ITGA9: variants seen among roughly 807,000 people sequenced by gnomAD.
The protein encoded by ITGA9 is integrin subunit alpha 9.
In ITGA9, 56 loss-of-function variants were observed where a neutral mutation model predicts 127.8. That is an observed-to-expected ratio of 0.44 (90% CI 0.35 to 0.55). The LOEUF (loss-of-function observed/expected upper bound fraction) is 0.55, where lower values mean the gene tolerates loss of function less well. ITGA9 is among the 20% of genes least tolerant of loss of function. The pLI, the probability that ITGA9 is intolerant of heterozygous loss-of-function variation, is 0.00. For synonymous variants in ITGA9, 508 were observed against 514.5 expected (o/e 0.99, Z 0.17); for missense variants, 1,196 against 1,347.1 (o/e 0.89, Z 1.76).
chr3:37,519,244 GT>G lies in ITGA9; in HGVS notation c.1142-9del. 4.4e-6 allele frequency: 7 copies of G among 1,608,306 alleles called. No individual in the cohort carries two copies. The highest frequency in any genetic ancestry group is 6.0e-6 in the Non-Finnish European group (7 of 1,175,036). ...TAATGTGGCTTTTTAACCCATAGCT[GT>G]TTTTTTACCCTCAGATGTGGCCATT... On this transcript the variant is annotated splice_polypyrimidine_tract_variant and intron_variant, in intron 10 of 27. Coordinates refer to ENST00000264741, the MANE Select transcript of ITGA9 (RefSeq NM_002207.3).
At chr3:37,798,363 A>G (rs1697198937) in intron 26 of ITGA9, among the ~76,000 whole-genome samples, 1 of 152,232 alleles carries the variant, frequency 6.6e-6, no homozygotes, top group Non-Finnish European at 1.5e-5. Flanking sequence ...AAATTTGGAA[A>G]TCAGGCAAAA....
At chr3:37,483,567 G>A (rs991272287) in intron 4 of ITGA9, among the ~76,000 whole-genome samples, 3 of 152,234 alleles carry the variant, frequency 2.0e-5, no homozygotes, top group African/African-American at 7.2e-5. Context: ...GCGAGTGGGT[G>A]CAGTCTCTGG....
intron 14 of ITGA9, among the ~76,000 whole-genome samples, chr3:37,537,033 G>T (rs1699214727): frequency 6.6e-6 from 1 of 152,188 alleles, no homozygotes; most frequent in South Asian, 2.1e-4. Context: ...GTTTTTACAA[G>T]CCTCCAGATG....
At chr3:37,455,261 T>C (rs1469807915) in intron 1 of ITGA9, among the ~76,000 whole-genome samples, 1 of 152,194 alleles carries the variant, frequency 6.6e-6, no homozygotes, top group Non-Finnish European at 1.5e-5. Context: ...TTATTCGTGA[T>C]TGCAAACAGC....
chr3:37,600,284 A>G lies in ITGA9; in HGVS notation c.1690-28903A>G, dbSNP rs1470980190. 1.5e-4 allele frequency among the ~76,000 whole-genome samples: 23 copies of G among 152,186 alleles called. 1 individual carries two copies. The highest frequency in any genetic ancestry group is 1.2e-3 in the Admixed American group (19 of 15,280). On this transcript the variant is annotated intron_variant, in intron 15 of 27. Transcript: ENST00000264741. ...TATTTCTCCCATATTCAAGGACTTC[A>G]GTTTCATTACCTGTCCAGAAAACTA...
At position 37,629,358 on chromosome 3, in the gene ITGA9, C is replaced by T. The variant is rs1237786724; in HGVS notation, c.1839+22C>T. On this transcript the variant is annotated intron_variant, in intron 16 of 27. Transcript: ENST00000264741. The surrounding 1 kb of genome is among the most constrained non-coding windows in gnomAD (Gnocchi z 4.5). Reference sequence around the variant, plus strand: ...TCAGGTCAGAACCTTAAAGCTCATACTCAGCACCCAAGGTGGCAGCTGCAC... The same window carrying T: ...TCAGGTCAGAACCTTAAAGCTCATATTCAGCACCCAAGGTGGCAGCTGCAC... The T allele has an allele frequency of 2.5e-6, 4 of 1,613,330 alleles. No individual in the cohort carries two copies. The highest frequency in any genetic ancestry group is 4.5e-5 in the East Asian group (2 of 44,864).
intron 1 of ITGA9, among the ~76,000 whole-genome samples, chr3:37,458,588 A>G (rs1283242778): frequency 1.3e-5 from 2 of 152,344 alleles, no homozygotes; most frequent in East Asian, 3.9e-4. Context: ...GTCAGCTGAC[A>G]TTCCGCCTTG....
chr3:37,704,692 T>G (rs373345610), intron 18 of ITGA9, among the ~76,000 whole-genome samples: 4 of 152,326 alleles, frequency 2.6e-5, no homozygotes, highest in African/African-American at 9.6e-5. Context: ...TGCTGGATGC[T>G]GGTGGCTTTG....
intron 18 of ITGA9, among the ~76,000 whole-genome samples, chr3:37,686,966 C>T (rs926371966): frequency 2.0e-5 from 3 of 152,168 alleles, no homozygotes; most frequent in African/African-American, 7.2e-5. Context: ...GCTTAACAAC[C>T]CACAGGCCTA....
chr3:37,596,810 A>T (rs1460953041), intron 15 of ITGA9, among the ~76,000 whole-genome samples: 2 of 152,224 alleles, frequency 1.3e-5, no homozygotes, highest in East Asian at 3.9e-4. Context: ...AGTGTGCCTG[A>T]AAAAAAGTCA....
At chr3:37,780,654 T>G (rs1696966098) in intron 25 of ITGA9, among the ~76,000 whole-genome samples, 1 of 152,246 alleles carries the variant, frequency 6.6e-6, no homozygotes, top group African/African-American at 2.4e-5. Context: ...GCAGGTATAT[T>G]TTTTATACAA....
intron 18 of ITGA9, among the ~76,000 whole-genome samples, chr3:37,723,909 A>G (rs1346829601): frequency 6.6e-6 from 1 of 152,178 alleles, no homozygotes; most frequent in Non-Finnish European, 1.5e-5. Flanking sequence ...TTTGGCCTCC[A>G]AGACAGGAAT....
intron 18 of ITGA9, among the ~76,000 whole-genome samples, chr3:37,710,257 G>A (rs1256797027): frequency 5.3e-5 from 8 of 152,144 alleles, no homozygotes; most frequent in African/African-American, 1.9e-4. Context: ...ACGTTACAAA[G>A]CTAGTAAGTA....
chr3:37,546,348 A>G (rs1199018604), intron 15 of ITGA9, among the ~76,000 whole-genome samples: 1 of 152,224 alleles, frequency 6.6e-6, no homozygotes, highest in Non-Finnish European at 1.5e-5. Context: ...TGATGCAACC[A>G]GAAGGACTGC....
intron 14 of ITGA9, among the ~76,000 whole-genome samples, chr3:37,541,566 T>C (rs573047761): frequency 6.6e-5 from 10 of 152,228 alleles, no homozygotes; most frequent in African/African-American, 1.9e-4. Flanking sequence ...TTCTTTCTTC[T>C]TTTTTTTAAA....
At chr3:37,534,888 A>G (rs1038060077) in intron 14 of ITGA9, among the ~76,000 whole-genome samples, 1 of 152,238 alleles carries the variant, frequency 6.6e-6, no homozygotes, top group African/African-American at 2.4e-5. Context: ...CACCACCTCC[A>G]TAATTGTTTA....
At chr3:37,570,247 G>A (rs1484664066) in intron 15 of ITGA9, among the ~76,000 whole-genome samples, 1 of 152,252 alleles carries the variant, frequency 6.6e-6, no homozygotes, top group African/African-American at 2.4e-5. Flanking sequence ...CAGCTTTAGA[G>A]TCCTGTGGGT....
intron 10 of ITGA9, among the ~76,000 whole-genome samples, chr3:37,518,211 T>G (rs143528669): frequency 6.6e-6 from 1 of 151,966 alleles, no homozygotes; most frequent in Non-Finnish European, 1.5e-5. Context: ...CTCTCTGGCT[T>G]GTTTGAGCCT....
chr3:37,726,565 G>A (rs1322201099), intron 18 of ITGA9, among the ~76,000 whole-genome samples: 19 of 152,218 alleles, frequency 1.2e-4, no homozygotes, highest in Admixed American at 1.3e-4. Context: ...ACCACTGCAC[G>A]TTACAAACAG....
Sources: allele counts gnomAD v4.1 joint callset (sites outside exome capture counted in the v4.1 genomes callset), GRCh38; gene constraint gnomAD v4.1.1; non-coding constraint Gnocchi (gnomAD v3.1); transcripts MANE v1.5; gene names NCBI Gene and HGNC (gene_info 2026-07-23, HGNC 2026-07-21).